The following SH3GL2 variants were observed in gnomAD, a reference collection of about 807,000 sequenced individuals.
SH3GL2 encodes SH3 domain containing GRB2 like 2, endophilin A1, also known as endophilin-A1.
In SH3GL2, 24 loss-of-function variants were observed where a neutral mutation model predicts 46.0. The observed-to-expected ratio is 0.52, with a 90% CI of 0.38 to 0.73. The LOEUF is 0.73. SH3GL2 is among the 30% of genes least tolerant of loss of function. The probability of loss-of-function intolerance (pLI) is 0.00; values close to 1 mark genes in which losing one functional copy is unlikely to be tolerated. For missense variants in SH3GL2, 413 were observed against 424.2 expected, an observed-to-expected ratio of 0.97 and a Z score of 0.23; for synonymous variants, 196 against 147.1, an observed-to-expected ratio of 1.33 and a Z score of -2.40.
At chr9:17,636,735 T>C (rs1015622534) in intron 1 of SH3GL2, among the ~76,000 whole-genome samples, 7 of 152,214 alleles carry the variant, frequency 4.6e-5, no homozygotes, top group Non-Finnish European at 1.0e-4. Flanking sequence ...AATTCAAATC[T>C]TGTTACTCTT....
intron 1 of SH3GL2, among the ~76,000 whole-genome samples, chr9:17,728,217 C>G (rs913371436): frequency 1.3e-5 from 2 of 152,060 alleles, no homozygotes; most frequent in Non-Finnish European, 2.9e-5. Flanking sequence ...TGCTTAAAAT[C>G]TGGTTTCTAC....
At chr9:17,585,984 G>C (rs1818369924) in intron 1 of SH3GL2, among the ~76,000 whole-genome samples, 1 of 152,088 alleles carries the variant, frequency 6.6e-6, no homozygotes, top group South Asian at 2.1e-4. Flanking sequence ...TGATGTACAT[G>C]GTATCCGATG....
intron 1 of SH3GL2, among the ~76,000 whole-genome samples, chr9:17,676,922 G>A (rs763883624): frequency 6.6e-6 from 1 of 151,992 alleles, no homozygotes; most frequent in Non-Finnish European, 1.5e-5. Flanking sequence ...TTATTGGGGT[G>A]TCTGCTCTAT....
rs565139598 is a variant in SH3GL2 at position 17,781,465 on chromosome 9, T to C, written c.188-4916T>C. Among the ~76,000 whole-genome samples, 71 of 151,384 alleles carry C rather than the reference T, an allele frequency of 4.7e-4. 2 individuals carry two copies. The South Asian group carries it at 0.014, about 30-fold the overall frequency. ...ACTCTGATGGTAGTTTCTTTTGCTG[T>C]GCAGAAGCTCTTGAGTTTAATTAGA... On this transcript the variant is annotated intron_variant, in intron 3 of 8. Transcript: ENST00000380607.
chr9:17,624,375 C>G (rs1463179637), intron 1 of SH3GL2, among the ~76,000 whole-genome samples: 1 of 152,176 alleles, frequency 6.6e-6, no homozygotes, highest in African/African-American at 2.4e-5. Flanking sequence ...TCCTCAAAGT[C>G]AGTGCAAGAT....
chr9:17,676,125 A>G (rs1490546007), intron 1 of SH3GL2, among the ~76,000 whole-genome samples: 1 of 152,154 alleles, frequency 6.6e-6, no homozygotes, highest in African/African-American at 2.4e-5. Context: ...TTTAGGGGCT[A>G]TGGGTAGACC....
rs1588314806 is a variant in SH3GL2, at chr9:17,765,742, T to C, written c.187+4233T>C. Reference sequence around the variant, plus strand: ...GGTTCCCCTGTCACTGTCCCTCTTGTAATCCCAGCTGCTTTTCAGTGGGGC... The same window carrying C: ...GGTTCCCCTGTCACTGTCCCTCTTGCAATCCCAGCTGCTTTTCAGTGGGGC... On this transcript the variant is annotated intron_variant, in intron 3 of 8. Coordinates refer to ENST00000380607, the MANE Select transcript of SH3GL2 (RefSeq NM_003026.5). Among the ~76,000 whole-genome samples the C allele has an allele frequency of 5.9e-5, 9 of 152,270 alleles. No individual in the cohort carries two copies. The South Asian group carries it at 6.2e-4, about 11-fold the overall frequency.
At chr9:17,594,417 G>C (rs1457771474) in intron 1 of SH3GL2, among the ~76,000 whole-genome samples, 1 of 150,458 alleles carries the variant, frequency 6.6e-6, no homozygotes, top group Non-Finnish European at 1.5e-5. Flanking sequence ...ATTTAGTGTG[G>C]GTTAAATGTC....
In SH3GL2 at chr9:17,675,302, A is replaced by G. The variant is rs1820578229; in HGVS notation, c.46-71764A>G. Among the ~76,000 whole-genome samples the G allele has an allele frequency of 2.0e-5, 3 of 152,180 alleles. No individual in the cohort carries two copies. In the South Asian group the frequency reaches 6.2e-4, roughly 32 times the overall value. ...TTTTAATTCAGGACTTAAGGGGTGAATTATCTTATTAAATAAATAACTCAA... is the reference window on the plus strand; with the variant it reads ...TTTTAATTCAGGACTTAAGGGGTGAGTTATCTTATTAAATAAATAACTCAA... On this transcript the variant is annotated intron_variant, in intron 1 of 8. Coordinates refer to ENST00000380607, the MANE Select transcript of SH3GL2 (RefSeq NM_003026.5).
rs1473962234 is a variant in SH3GL2, at chr9:17,601,089, C to G, written c.45+21802C>G. On this transcript the variant is annotated intron_variant, in intron 1 of 8. Coordinates refer to ENST00000380607, the MANE Select transcript of SH3GL2 (RefSeq NM_003026.5). ...CACTACCAAGCTTTTCCCTGGGTGC[C>G]TCATGTGTGGTGGTGTTTCTACAGC... 2.4e-4 allele frequency among the ~76,000 whole-genome samples: 37 copies of G among 152,130 alleles called. 1 individual carries two copies. The highest frequency in any genetic ancestry group is 2.4e-3 in the Admixed American group (37 of 15,272).
intron 1 of SH3GL2, among the ~76,000 whole-genome samples, chr9:17,643,548 A>G (rs1819735829): frequency 1.3e-5 from 2 of 152,116 alleles, no homozygotes; most frequent in South Asian, 4.1e-4. Flanking sequence ...GATATGTTCC[A>G]TCAATACCGA....
chr9:17,619,541 G>T (rs570930705), intron 1 of SH3GL2, among the ~76,000 whole-genome samples: 73 of 152,232 alleles, frequency 4.8e-4, no homozygotes, highest in Admixed American at 1.2e-3. Flanking sequence ...AGCTGGGCTT[G>T]GTGGCATGCA....
chr9:17,661,577 T>C (rs1410813387), intron 1 of SH3GL2, among the ~76,000 whole-genome samples: 1 of 152,240 alleles, frequency 6.6e-6, no homozygotes, highest in African/African-American at 2.4e-5. Flanking sequence ...AGGATTTCCA[T>C]TTATGTTTAT....
At chr9:17,647,704 A>T (rs76812101) in intron 1 of SH3GL2, among the ~76,000 whole-genome samples, 4,746 of 152,332 alleles carry the variant, frequency 0.031, 110 homozygotes, top group Middle Eastern at 0.061. Flanking sequence ...GATTATAAAG[A>T]TTAAAATAAA....
chr9:17,694,269 A>G (rs1050491182), intron 1 of SH3GL2, among the ~76,000 whole-genome samples: 3 of 152,170 alleles, frequency 2.0e-5, no homozygotes, highest in Non-Finnish European at 4.4e-5. Context: ...CCATGGCAGA[A>G]GGTGAACCGG....
At chr9:17,666,726 G>A (rs1458721802) in intron 1 of SH3GL2, among the ~76,000 whole-genome samples, 1 of 151,984 alleles carries the variant, frequency 6.6e-6, no homozygotes, top group Non-Finnish European at 1.5e-5. Flanking sequence ...ATAACCTAGT[G>A]TATATATATG....
chr9:17,796,512 A>T lies in SH3GL2; in HGVS notation c.*769A>T, dbSNP rs188669897. 2.2e-4 allele frequency: 34 copies of T among 152,376 alleles called. No homozygotes were observed. Among genetic ancestry groups the T allele is most frequent in the Admixed American group, 1.1e-3 (17 of 15,308 alleles). The allele number at this position is 152,376 out of a possible 1,614,324, so 9.4% of individuals were successfully genotyped here. ...CAAGCTTAAATTTCTTGCTATACAGAAACTATGTATGTATTTAGGCTATTT... is the reference window on the plus strand; with the variant it reads ...CAAGCTTAAATTTCTTGCTATACAGTAACTATGTATGTATTTAGGCTATTT... On this transcript the variant is annotated 3_prime_UTR_variant, in exon 9 of 9. Coordinates refer to ENST00000380607, the MANE Select transcript of SH3GL2 (RefSeq NM_003026.5).
At chr9:17,629,129 C>T (rs1002992136) in intron 1 of SH3GL2, among the ~76,000 whole-genome samples, 3 of 152,226 alleles carry the variant, frequency 2.0e-5, no homozygotes, top group African/African-American at 7.2e-5. Context: ...GGCTGGGAGG[C>T]AGGAGACCTG....
In SH3GL2 at chr9:17,718,485, C is replaced by A. The variant is rs186788544; in HGVS notation, c.46-28581C>A. Among the ~76,000 whole-genome samples the A allele has an allele frequency of 5.3e-5, 8 of 152,164 alleles. No individual in the cohort carries two copies. In the East Asian group the frequency reaches 1.4e-3, roughly 26 times the overall value. On this transcript the variant is annotated intron_variant, in intron 1 of 8. Transcript: ENST00000380607. The stretch of plus-strand genomic sequence containing the variant: ...CTCCTGTAATTGCCACACTTTGGGA[C>A]GCCAAGGCGGGTGGATTGCTTGAGC...
Sources: gnomAD v4.1 joint callset for allele counts (sites outside exome capture counted in the v4.1 genomes callset) on GRCh38, gnomAD v4.1.1 for gene constraint, MANE v1.5 for transcripts, NCBI Gene and HGNC (gene_info 2026-07-23, HGNC 2026-07-21) for gene names.